The following DNMT1 variants were observed in gnomAD, a reference collection of about 807,000 sequenced individuals.
The protein encoded by DNMT1 is DNA methyltransferase 1, also known as DNA (cytosine-5)-methyltransferase 1.
Under a neutral mutation model 205.3 loss-of-function variants are expected in DNMT1, and 24 were observed. The ratio of observed to expected loss-of-function variants is 0.12; its 90% CI spans 0.08 to 0.16. The LOEUF is 0.16. Among genes scored for constraint, DNMT1 ranks in the 10% least tolerant of loss-of-function variants. DNMT1 has a pLI of 1.00. For missense variants in DNMT1, 1,293 were observed against 2,177.7 expected (o/e 0.59, Z 8.09); for synonymous variants, 817 against 839.8 (o/e 0.97, Z 0.47).
In DNMT1 at chr19:10,156,073, T is replaced by A; in HGVS notation, c.1400-128A>T. ...GTGCTCCTCAGTCATCACAATGACT[T>A]GGCCTACAGCTGCTCCTGGCACAAA... On this transcript the variant is annotated intron_variant, in intron 18 of 40. Coordinates refer to ENST00000359526, the MANE Select transcript of DNMT1 (RefSeq NM_001130823.3). This position sits in a 1 kb window ranked among gnomAD's most constrained non-coding sequence, Gnocchi z 4.2. The A allele has an allele frequency of 3.2e-6, 3 of 934,570 alleles. No individual in the cohort carries two copies. The highest frequency in any genetic ancestry group is 1.6e-5 in the African/African-American group (1 of 61,138). The allele number at this position is 934,570 out of a possible 1,614,324, so 57.9% of individuals were successfully genotyped here. A position where few individuals can be genotyped will look rare whatever the true frequency, so the allele number is the denominator to read the frequency against.
chr19:10,171,333 G>A (rs780840232), intron 9 of DNMT1, among the ~76,000 whole-genome samples: 3 of 152,152 alleles, frequency 2.0e-5, no homozygotes, highest in Non-Finnish European at 4.4e-5. Flanking sequence ...TCGTCAGCCA[G>A]AGAAGGTGGC....
At chr19:10,177,793 C>T (rs915524203) in intron 5 of DNMT1, among the ~76,000 whole-genome samples, 7 of 151,852 alleles carry the variant, frequency 4.6e-5, no homozygotes, top group Non-Finnish European at 2.9e-5. Flanking sequence ...ATTAGCTGGG[C>T]GTGGTGGTAC....
chr19:10,159,985 C>T lies in DNMT1; in HGVS notation c.1089+33G>A. On this transcript the variant is annotated intron_variant, in intron 15 of 40. Transcript: ENST00000359526. The surrounding 1 kb of genome is among the most constrained non-coding windows in gnomAD (Gnocchi z 5.0). Reference sequence around the variant, plus strand: ...GCAGCTCCCAGCCGCCTCGTGAGCGCCGCCACCGGCTTTATTCCCGGCAGA... The same window carrying T: ...GCAGCTCCCAGCCGCCTCGTGAGCGTCGCCACCGGCTTTATTCCCGGCAGA... 2 of 1,614,232 alleles carry T rather than the reference C, an allele frequency of 1.2e-6. No homozygotes were observed. Among genetic ancestry groups the T allele is most frequent in the Non-Finnish European group, 1.7e-6 (2 of 1,180,046 alleles).
rs991716655 is a variant in DNMT1, at chr19:10,160,398, C to T, written c.1029G>A (p.Thr343=). ...EDEKEEKRRK[T]TPKEPTEKKM... is the part of the protein sequence containing the mutation. ...TAAATTCTTACGGTTCTTTGGGGGT[C>T]GTTTTGCGTCTCTTCTCCTCCTACA... The change falls in exon 14 of 41, where the codon ACG becomes ACA. Residue 343 remains threonine (T), a synonymous_variant. Coordinates refer to ENST00000359526, the MANE Select transcript of DNMT1 (RefSeq NM_001130823.3). 2.5e-6 allele frequency: 4 copies of T among 1,614,020 alleles called. No individual in the cohort carries two copies. Among genetic ancestry groups the T allele is most frequent in the South Asian group, 1.1e-5 (1 of 91,046 alleles).
chr19:10,182,035 G>A lies in DNMT1; in HGVS notation c.117+6C>T. ...GTAATAAGAAAAATTTTAAGGTGGA[G>A]ATTACCTTTTCTGTTAAGCTGTCTC... is the stretch of plus-strand genomic sequence containing the variant. On this transcript the variant is annotated splice_donor_region_variant and intron_variant, in intron 2 of 40. Coordinates refer to ENST00000359526, the MANE Select transcript of DNMT1 (RefSeq NM_001130823.3). 1 of 1,611,764 alleles carries A rather than the reference G, an allele frequency of 6.2e-7. No individual in the cohort carries two copies. The highest frequency in any genetic ancestry group is 8.5e-7 in the Non-Finnish European group (1 of 1,178,432).
rs1479809528 is a variant in DNMT1 at position 10,156,711 on chromosome 19, G to A, written c.1281-202C>T. Reference sequence around the variant, plus strand: ...TGGCTCACTGCAGCCTCCACCTCCCGGGTTCAAGTAATTCTCCTGCCTCAG... The same window carrying A: ...TGGCTCACTGCAGCCTCCACCTCCCAGGTTCAAGTAATTCTCCTGCCTCAG... On this transcript the variant is annotated intron_variant, in intron 17 of 40. Coordinates refer to ENST00000359526, the MANE Select transcript of DNMT1 (RefSeq NM_001130823.3). This position sits in a 1 kb window ranked among gnomAD's most constrained non-coding sequence, Gnocchi z 4.2. Among the ~76,000 whole-genome samples, 2 of 152,172 alleles carry A rather than the reference G, an allele frequency of 1.3e-5. No individual in the cohort carries two copies. Among genetic ancestry groups the A allele is most frequent in the African/African-American group, 2.4e-5 (1 of 41,508 alleles).
intron 1 of DNMT1, among the ~76,000 whole-genome samples, chr19:10,190,194 GC>G (rs1313567726): frequency 2.6e-5 from 4 of 152,156 alleles, no homozygotes; most frequent in Admixed American, 6.6e-5. Flanking sequence ...CAGTAAGAAA[GC>G]TGTGGTAGTT....
chr19:10,154,624 C>T lies in DNMT1; in HGVS notation c.1794G>A (p.Arg598=). Residue 598 remains arginine, a synonymous_variant, in exon 21 of 41, where the codon CGG becomes CGA. Transcript: ENST00000359526. The surrounding 1 kb of genome is among the most constrained non-coding windows in gnomAD (Gnocchi z 6.3). ...EQPIFLTPCM[R]DLIKLAGVTL... ...TGACCCCAGCCAGCTTGATCAGGTC[C>T]CGCATGCAGGGTGTCAGGAAGATGG... 2 of 1,614,080 alleles carry T rather than the reference C, an allele frequency of 1.2e-6. No homozygotes were observed. The highest frequency in any genetic ancestry group is 2.2e-5 in the South Asian group (2 of 91,080).
intron 7 of DNMT1, among the ~76,000 whole-genome samples, chr19:10,175,135 A>G (rs1489384404): frequency 3.3e-5 from 5 of 149,920 alleles, no homozygotes; most frequent in Non-Finnish European, 7.4e-5. Context: ...ACACATATAT[A>G]TAACATGTAT....
In DNMT1 at chr19:10,133,997, C is replaced by T. The variant is rs2089426438; in HGVS notation, c.4864+220G>A. ...CCCCAGGGCCAGCCCAGCAGCCAAC[C>T]TGACCAAAGGCCTGCTGTGTGCAGC... is the stretch of plus-strand genomic sequence containing the variant. On this transcript the variant is annotated intron_variant, in intron 40 of 40. Transcript: ENST00000359526. This position sits in a 1 kb window ranked among gnomAD's most constrained non-coding sequence, Gnocchi z 4.1. Among the ~76,000 whole-genome samples the T allele has an allele frequency of 6.6e-6, 1 of 152,248 alleles. No individual in the cohort carries two copies.
chr19:10,181,035 T>C, intron 2 of DNMT1, 150 bp from the exon 3 acceptor site: 2 of 718,160 alleles, frequency 2.8e-6, no homozygotes, highest in Non-Finnish European at 4.9e-6. Flanking sequence ...AGTCATGAAA[T>C]GTGTTCAGGG....
chr19:10,137,673 A>G lies in DNMT1; in HGVS notation c.4293+159T>C. 1 of 1,058,284 alleles carries G rather than the reference A, an allele frequency of 9.4e-7. No homozygotes were observed. Among genetic ancestry groups the G allele is most frequent in the Middle Eastern group, 3.0e-4 (1 of 3,366 alleles). The allele number at this position is 1,058,284 out of a possible 1,614,324, so 65.6% of individuals were successfully genotyped here. ...GGGAGCTCTGACACTTCCCATGACC[A>G]TGCAAGAGAGACCAGGGGTCACACA... On this transcript the variant is annotated intron_variant, in intron 36 of 40. Transcript: ENST00000359526. This position sits in a 1 kb window ranked among gnomAD's most constrained non-coding sequence, Gnocchi z 6.4.
In DNMT1 at chr19:10,175,364, A is replaced by G. The variant is rs548136620; in HGVS notation, c.648+176T>C. Among the ~76,000 whole-genome samples, 3 of 152,322 alleles carry G rather than the reference A, an allele frequency of 2.0e-5. No homozygotes were observed. The South Asian group carries it at 6.2e-4, about 32-fold the overall frequency. On this transcript the variant is annotated intron_variant, in intron 7 of 40. Coordinates refer to ENST00000359526, the MANE Select transcript of DNMT1 (RefSeq NM_001130823.3). ...TATATACATACACGTGCATATGTAT[A>G]TATGTACCTATAGCTGTATACACAC...
chr19:10,143,927 G>A lies in DNMT1; in HGVS notation c.2955C>T (p.Tyr985=), dbSNP rs1291337869. The part of the protein sequence containing the change: ...PRKEPVDEDL[Y]PEHYRKYSDY... ...CGGAGTATTTCCGGTAGTGCTCTGG[G>A]TACAGGTCCTCATCCACGGGCTCCT... Residue 985 remains tyrosine, a synonymous_variant, in exon 29 of 41, where the codon TAC becomes TAT. Coordinates refer to ENST00000359526, the MANE Select transcript of DNMT1 (RefSeq NM_001130823.3). 1.2e-6 allele frequency: 2 copies of A among 1,614,146 alleles called. No individual in the cohort carries two copies. Among genetic ancestry groups the A allele is most frequent in the African/African-American group, 2.7e-5 (2 of 75,028 alleles).
In DNMT1 at chr19:10,150,210, C is replaced by T. The variant is rs150731110; in HGVS notation, c.2266-242G>A. Among the ~76,000 whole-genome samples the T allele has an allele frequency of 2.3e-3, 345 of 152,326 alleles. 2 individuals are homozygous for T. The highest frequency in any genetic ancestry group is 7.8e-3 in the African/African-American group (326 of 41,570). The stretch of plus-strand genomic sequence containing the variant: ...GGCATCCATGTCCCTCCCACTTCTG[C>T]TCTGCCACTCGGGTCCCAGGATTTG... On this transcript the variant is annotated intron_variant, in intron 24 of 40. Coordinates refer to ENST00000359526, the MANE Select transcript of DNMT1 (RefSeq NM_001130823.3).
intron 8 of DNMT1, 87 bp downstream of exon 8, chr19:10,173,784 G>T: frequency 6.8e-7 from 1 of 1,462,168 alleles, no homozygotes; most frequent in Non-Finnish European, 9.6e-7. Context: ...GAGTCACCGT[G>T]CCCGGCCTTA....
Position 10,154,427 on chromosome 19 carries a change from T to C in DNMT1, c.1885A>G (p.Arg629Gly). 5 of 1,614,258 alleles carry C rather than the reference T, an allele frequency of 3.1e-6. No homozygotes were observed. Among genetic ancestry groups the C allele is most frequent in the Non-Finnish European group, 4.2e-6 (5 of 1,180,040 alleles). ...GTGGTGGTGGCTTTCGTGGGTCCCC[T>C]GTCCTTCTCCCTGGTAGAATGCCTG... The part of the protein sequence containing the change: ...TIRHSTREKD[R>G]GPTKATTTKL... Residue 629 changes from arginine (R) to glycine (G), a missense_variant, in exon 22 of 41, where the codon AGG (arginine) becomes GGG (glycine). Arg to Gly is a moderately radical substitution (Grantham distance 125). Transcript: ENST00000359526. The surrounding 1 kb of genome is among the most constrained non-coding windows in gnomAD (Gnocchi z 6.3).
At chr19:10,139,946 C>T (rs1490410961) in intron 33 of DNMT1, 100 bp downstream of exon 33, 9 of 1,593,204 alleles carry the variant, frequency 5.6e-6, no homozygotes, top group African/African-American at 2.7e-5. Context: ...TGTGAGCTTC[C>T]GGGGGGCAGA....
chr19:10,166,731 G>T (rs369638743), intron 10 of DNMT1, 46 bp from the exon 11 acceptor site: 141 of 1,609,292 alleles, frequency 8.8e-5, no homozygotes, highest in South Asian at 8.1e-4. Context: ...GCTCGGGGGG[G>T]GCCCTGCACC....
Sources: gnomAD v4.1 joint callset for allele counts (sites outside exome capture counted in the v4.1 genomes callset) on GRCh38, gnomAD v4.1.1 for gene constraint, Gnocchi (gnomAD v3.1) non-coding constraint, MANE v1.5 for transcripts, NCBI Gene and HGNC (gene_info 2026-07-23, HGNC 2026-07-21) for gene names.